The following CCSER1 variants were observed in gnomAD, a reference collection of about 807,000 sequenced individuals.
The protein encoded by CCSER1 is coiled-coil serine rich protein 1.
In CCSER1, 41 loss-of-function variants were observed where a neutral mutation model predicts 82.0. That is an observed-to-expected ratio of 0.50 (90% CI 0.39 to 0.65). The LOEUF (loss-of-function observed/expected upper bound fraction) is 0.65, where lower values mean the gene tolerates loss of function less well. Ranked by LOEUF, CCSER1 falls within the 30% of genes least tolerant of loss-of-function variation. The pLI is 0.00. For missense variants in CCSER1, 1,119 were observed against 1,064.2 expected, an observed-to-expected ratio of 1.05 and a Z score of -0.72; for synonymous variants, 414 against 383.9, an observed-to-expected ratio of 1.08 and a Z score of -0.92.
intron 10 of CCSER1, among the ~76,000 whole-genome samples, chr4:91,386,244 T>C (rs533792666): frequency 2.0e-5 from 3 of 151,944 alleles, no homozygotes; most frequent in African/African-American, 7.2e-5. Context: ...TTGAAAAAAT[T>C]ATAGGAGTTT....
chr4:91,318,609 T>G (rs1000262744), intron 10 of CCSER1, among the ~76,000 whole-genome samples: 2 of 152,062 alleles, frequency 1.3e-5, no homozygotes, highest in African/African-American at 4.8e-5. Context: ...ATGTGAAAAC[T>G]TCAATATCTT....
chr4:91,168,439 G>A (rs1252735723), intron 10 of CCSER1, among the ~76,000 whole-genome samples: 40 of 146,296 alleles, frequency 2.7e-4, no homozygotes, highest in South Asian at 1.3e-3. Flanking sequence ...CTGCCCGGCC[G>A]CCCTGTCTGG....
chr4:91,179,029 G>A (rs753411419), intron 10 of CCSER1, among the ~76,000 whole-genome samples: 2 of 152,168 alleles, frequency 1.3e-5, no homozygotes, highest in African/African-American at 4.8e-5. Context: ...TTGCTTGTCT[G>A]TAAAGAATTT....
At chr4:90,558,337 A>T (rs1400860169) in intron 5 of CCSER1, among the ~76,000 whole-genome samples, 1 of 152,198 alleles carries the variant, frequency 6.6e-6, no homozygotes, top group African/African-American at 2.4e-5. Context: ...TAACATATAG[A>T]AATAATTGTA....
chr4:91,077,748 A>G (rs541900140), intron 9 of CCSER1, among the ~76,000 whole-genome samples: 59 of 152,340 alleles, frequency 3.9e-4, no homozygotes, highest in African/African-American at 1.4e-3. Flanking sequence ...TCCCACCCCA[A>G]TACTGCACTT....
intron 9 of CCSER1, among the ~76,000 whole-genome samples, chr4:91,008,194 C>A (rs1197535744): frequency 6.6e-6 from 1 of 152,116 alleles, no homozygotes; most frequent in Non-Finnish European, 1.5e-5. Flanking sequence ...GAGGAATATT[C>A]TGATATATCC....
intron 10 of CCSER1, among the ~76,000 whole-genome samples, chr4:91,150,931 C>CT (rs1370059403): frequency 2.0e-5 from 3 of 152,184 alleles, no homozygotes; most frequent in South Asian, 2.1e-4. Flanking sequence ...CTAAAATTCT[C>CT]TTTTTTTGTT....
At chr4:90,703,508 G>C (rs1368065841) in intron 6 of CCSER1, among the ~76,000 whole-genome samples, 1 of 152,118 alleles carries the variant, frequency 6.6e-6, no homozygotes, top group African/African-American at 2.4e-5. Context: ...GTAGAGCTGA[G>C]TTCAATTCCT....
chr4:90,991,970 C>G (rs906975829), intron 9 of CCSER1, among the ~76,000 whole-genome samples: 13 of 151,976 alleles, frequency 8.6e-5, no homozygotes, highest in African/African-American at 2.7e-4. Context: ...CTTGTTAGTT[C>G]TTGCCTTACT....
At chr4:90,426,704 C>T (rs1176911772) in intron 4 of CCSER1, among the ~76,000 whole-genome samples, 1 of 152,056 alleles carries the variant, frequency 6.6e-6, no homozygotes, top group Non-Finnish European at 1.5e-5. Flanking sequence ...AAATAAAATA[C>T]TGAGTATGTA....
chr4:90,382,296 A>G (rs1162730703), intron 3 of CCSER1, among the ~76,000 whole-genome samples: 4 of 152,164 alleles, frequency 2.6e-5, no homozygotes, highest in South Asian at 2.1e-4. Flanking sequence ...TGACATGTAT[A>G]TATTTATGAA....
At chr4:91,139,038 T>A (rs1212105069) in intron 10 of CCSER1, among the ~76,000 whole-genome samples, 1 of 152,164 alleles carries the variant, frequency 6.6e-6, no homozygotes, top group Non-Finnish European at 1.5e-5. Flanking sequence ...TCTCCCTTCC[T>A]CTTTGCTCAA....
At chr4:91,141,143 T>A (rs1452733381) in intron 10 of CCSER1, among the ~76,000 whole-genome samples, 2 of 151,310 alleles carry the variant, frequency 1.3e-5, no homozygotes, top group Admixed American at 6.7e-5. Context: ...GCAAAGGATA[T>A]GATTTCATTC....
intron 10 of CCSER1, among the ~76,000 whole-genome samples, chr4:91,140,832 CA>C (rs1728954466): frequency 6.6e-6 from 1 of 152,032 alleles, no homozygotes; most frequent in Admixed American, 6.6e-5. Context: ...ATTTTGGCTT[CA>C]GGGGGTACTT....
intron 10 of CCSER1, among the ~76,000 whole-genome samples, chr4:91,185,763 C>T (rs1734479041): frequency 6.6e-6 from 1 of 152,174 alleles, no homozygotes; most frequent in Non-Finnish European, 1.5e-5. Flanking sequence ...CGGCCTGACT[C>T]TCTGAATTTT....
At chr4:90,875,376 A>G (rs1390475612) in intron 8 of CCSER1, among the ~76,000 whole-genome samples, 1 of 152,164 alleles carries the variant, frequency 6.6e-6, no homozygotes, top group Admixed American at 6.6e-5. Flanking sequence ...ATAATGGAGG[A>G]ACTTATTATA....
Position 90,806,112 on chromosome 4 carries a change from C to T in CCSER1, c.2011-9650C>T, listed in dbSNP as rs557617569. On this transcript the variant is annotated intron_variant, in intron 7 of 10. Coordinates refer to ENST00000509176, the MANE Select transcript of CCSER1 (RefSeq NM_001145065.2). ...AAGCCTAAATTACTTTTGCACCAAGCTAATATTTATGTGAATGTTGCCACT... is the reference window on the plus strand; with the variant it reads ...AAGCCTAAATTACTTTTGCACCAAGTTAATATTTATGTGAATGTTGCCACT... Among the ~76,000 whole-genome samples, 20 of 152,166 alleles carry T rather than the reference C, an allele frequency of 1.3e-4. No homozygotes were observed. In the East Asian group the frequency reaches 3.9e-3, roughly 29 times the overall value.
chr4:91,024,475 T>A (rs1440523960), intron 9 of CCSER1, among the ~76,000 whole-genome samples: 1 of 152,110 alleles, frequency 6.6e-6, no homozygotes, highest in Non-Finnish European at 1.5e-5. Context: ...GTTTTAAATG[T>A]GAATTCTAAT....
chr4:90,792,897 T>C (rs755404919), intron 7 of CCSER1, among the ~76,000 whole-genome samples: 1 of 151,866 alleles, frequency 6.6e-6, no homozygotes, highest in African/African-American at 2.4e-5. Flanking sequence ...TAAAGGGGAG[T>C]GCTGATAGGG....
Sources: gnomAD v4.1 joint callset for allele counts (sites outside exome capture counted in the v4.1 genomes callset) on GRCh38, gnomAD v4.1.1 for gene constraint, MANE v1.5 for transcripts, NCBI Gene and HGNC (gene_info 2026-07-23, HGNC 2026-07-21) for gene names.